Variants in ARHGEF1 observed in about 807,000 individuals in gnomAD.
The protein encoded by ARHGEF1 is Rho guanine nucleotide exchange factor 1.
A neutral mutation model predicts 119.7 loss-of-function variants in ARHGEF1; 40 were observed. The observed-to-expected ratio is 0.33, with a 90% CI of 0.26 to 0.44. ARHGEF1 has a LOEUF of 0.44. ARHGEF1 is among the 20% of genes least tolerant of loss of function. ARHGEF1 has a pLI of 1.00. For missense variants in ARHGEF1, 976 were observed against 1,268.3 expected (o/e 0.77, Z 3.50); for synonymous variants, 494 against 521.0 (o/e 0.95, Z 0.71).
At chr19:41,926,515 G>A (rs535450773) in intron 1 of ARHGEF1, among the ~76,000 whole-genome samples, 1 of 152,212 alleles carries the variant, frequency 6.6e-6, no homozygotes, top group East Asian at 1.9e-4. Flanking sequence ...CTGCCACCTC[G>A]ATTTCTCTCG....
intron 18 of ARHGEF1, among the ~76,000 whole-genome samples, chr19:41,914,573 CCG>C (rs1244155792): frequency 2.2e-4 from 6 of 27,666 alleles, no homozygotes; most frequent in Middle Eastern, 0.029. Flanking sequence ...ATCTCTGTCT[CCG>C]TCTCTCCCTC....
intron 1 of ARHGEF1, among the ~76,000 whole-genome samples, chr19:41,927,769 G>T (rs986907532): frequency 1.3e-5 from 2 of 152,044 alleles, no homozygotes; most frequent in Non-Finnish European, 2.9e-5. Context: ...CATCTCCGTG[G>T]CTCTCACTCG....
Position 41,905,127 on chromosome 19 carries a change from T to C in ARHGEF1, c.2250-48T>C. 6.2e-7 allele frequency: 1 copy of C among 1,611,088 alleles called. No homozygotes were observed. The highest frequency in any genetic ancestry group is 8.5e-7 in the Non-Finnish European group (1 of 1,177,312). On this transcript the variant is annotated intron_variant, in intron 23 of 28. Coordinates refer to ENST00000354532, the MANE Select transcript of ARHGEF1 (RefSeq NM_004706.4). The surrounding 1 kb of genome is among the most constrained non-coding windows in gnomAD (Gnocchi z 6.4). ...GGAGGGCTGTGGGGAGGCCCTGGCATAGGGTCTGGGGGCTCTGACTGCCCA... is the reference window on the plus strand; with the variant it reads ...GGAGGGCTGTGGGGAGGCCCTGGCACAGGGTCTGGGGGCTCTGACTGCCCA...
At chr19:41,909,166 G>A (rs760260644), downstream of ARHGEF1, 58 of 1,231,806 alleles carry the variant, frequency 4.7e-5, no homozygotes, top group Non-Finnish European at 5.6e-5. This position sits in a 1 kb window ranked among gnomAD's most constrained non-coding sequence, Gnocchi z 5.2. Context: ...CAGAGAACAG[G>A]GTTTGCAGGG....
intron 18 of ARHGEF1, among the ~76,000 whole-genome samples, chr19:41,914,546 T>TCCCTCCCCTTCCACCATCTCTGTCTC (rs2074775480): frequency 1.7e-5 from 2 of 118,384 alleles, no homozygotes; most frequent in Non-Finnish European, 3.5e-5. Context: ...CTATCCGTCT[T>TCCCTCCCCTTCCACCATCTCTGTCTC]TCCCTCCCCT....
Position 41,892,089 on chromosome 19 carries a change from T to A in ARHGEF1, c.290T>A (p.Leu97Gln). Reference sequence around the variant, plus strand: ...CCCAAGGAGGCCAAGAAGGCCTTCCTGGACTTCTACCACAGCTTCCTGGAG... The same window carrying A: ...CCCAAGGAGGCCAAGAAGGCCTTCCAGGACTTCTACCACAGCTTCCTGGAG... ...LGPKEAKKAFLDFYHSFLEKT... is the reference protein window; with the variant it reads ...LGPKEAKKAFQDFYHSFLEKT... The change falls in exon 5 of 29, where the codon CTG (leucine) becomes CAG (glutamine). Residue 97 changes from leucine (L) to glutamine (Q), a missense_variant. Physicochemically the swap from Leu to Gln is moderately radical, Grantham distance 113. Around this residue, in one of 3 missense-constraint regions of ARHGEF1, gnomAD observed 519 missense variants for 580.9 expected, o/e 0.89. Coordinates refer to ENST00000354532, the MANE Select transcript of ARHGEF1 (RefSeq NM_004706.4). This position sits in a 1 kb window ranked among gnomAD's most constrained non-coding sequence, Gnocchi z 6.3. 6.2e-7 allele frequency: 1 copy of A among 1,613,390 alleles called. No individual in the cohort carries two copies. The highest frequency in any genetic ancestry group is 2.2e-5 in the East Asian group (1 of 44,866).
chr19:41,895,275 T>A, intron 11 of ARHGEF1, 74 bp from the exon 12 acceptor site: 1 of 1,530,954 alleles, frequency 6.5e-7, no homozygotes. Context: ...GCACAGCCTC[T>A]TGCATCCCCT....
At chr19:41,923,013 A>G (rs1322832670), upstream of ARHGEF1, 1 of 393,574 alleles carries the variant, frequency 2.5e-6, no homozygotes, top group African/African-American at 2.1e-5. Context: ...CAGCCTAGGG[A>G]AGAGGCGGGA....
At position 41,888,910 on chromosome 19, in the gene ARHGEF1, C is replaced by G; in HGVS notation, c.225+45C>G. On this transcript the variant is annotated intron_variant, in intron 4 of 28. Transcript: ENST00000354532. The surrounding 1 kb of genome is among the most constrained non-coding windows in gnomAD (Gnocchi z 5.1). ...GGCACAGGGAGGGGTGGGGCTGGGA[C>G]AGGCACAGCTTTTAGCGAATTAAAC... The G allele has an allele frequency of 2.0e-6, 3 of 1,531,800 alleles. No individual in the cohort carries two copies. The highest frequency in any genetic ancestry group is 2.7e-6 in the Non-Finnish European group (3 of 1,116,546). 94.9% of individuals were successfully genotyped at this position (1,531,800 alleles called of 1,614,324 possible).
rs377049534 is a variant in ARHGEF1, at chr19:41,905,717, C to G, written c.2337-43C>G. The G allele has an allele frequency of 2.5e-6, 4 of 1,607,042 alleles. No homozygotes were observed. In the African/African-American group the frequency reaches 5.3e-5, roughly 21 times the overall value. Reference sequence around the variant, plus strand: ...CTGTCTCCCTGCCCCTGCGGCCCCCCAGGGCCAGGGGTGTGGGGTCACCCA... The same window carrying G: ...CTGTCTCCCTGCCCCTGCGGCCCCCGAGGGCCAGGGGTGTGGGGTCACCCA... On this transcript the variant is annotated intron_variant, in intron 24 of 28. Coordinates refer to ENST00000354532, the MANE Select transcript of ARHGEF1 (RefSeq NM_004706.4). The surrounding 1 kb of genome is among the most constrained non-coding windows in gnomAD (Gnocchi z 6.4).
At position 41,893,307 on chromosome 19, in the gene ARHGEF1, AG is replaced by A; in HGVS notation, c.644+10del. 2 of 1,589,890 alleles carry A rather than the reference AG, an allele frequency of 1.3e-6. No individual in the cohort carries two copies. The highest frequency in any genetic ancestry group is 1.7e-6 in the Non-Finnish European group (2 of 1,168,944). The stretch of plus-strand genomic sequence containing the variant: ...TCTCTACCGACGAAGAAAAGAGGTG[AG>A]GGGGGCAGGGGAGGCGTGCGGCCTC... On this transcript the variant is annotated splice_donor_5th_base_variant and intron_variant, in intron 8 of 28. Coordinates refer to ENST00000354532, the MANE Select transcript of ARHGEF1 (RefSeq NM_004706.4).
Position 41,905,824 on chromosome 19 carries a change from G to T in ARHGEF1, c.2401G>T (p.Asp801Tyr), listed in dbSNP as rs1278450308. 2 of 1,614,062 alleles carry T rather than the reference G, an allele frequency of 1.2e-6. No homozygotes were observed. Among genetic ancestry groups the T allele is most frequent in the Non-Finnish European group, 8.5e-7 (1 of 1,180,022 alleles). ...TGGTGGCCGAGAGACGTCTCCAGCTGATGGTGAGACCAGAGGGATGCTGGG... is the reference window on the plus strand; with the variant it reads ...TGGTGGCCGAGAGACGTCTCCAGCTTATGGTGAGACCAGAGGGATGCTGGG... ...GNGGRETSPA[D>Y]ARTERILSDL... Residue 801 changes from aspartate (D) to tyrosine (Y), a missense_variant, in exon 25 of 29, where the codon GAT becomes TAT. Asp to Tyr is a radical substitution (Grantham distance 160, BLOSUM62 -3). This residue lies in a region of ARHGEF1 where 171 missense variants were observed against 180.6 expected (regional missense o/e 0.95). Coordinates refer to ENST00000354532, the MANE Select transcript of ARHGEF1 (RefSeq NM_004706.4). The surrounding 1 kb of genome is among the most constrained non-coding windows in gnomAD (Gnocchi z 6.4).
intron 14 of ARHGEF1, among the ~76,000 whole-genome samples, chr19:41,898,938 G>T (rs2074555924): frequency 6.6e-6 from 1 of 152,210 alleles, no homozygotes; most frequent in Admixed American, 6.5e-5. Flanking sequence ...GATGATTTGT[G>T]TGAAATGTTT....
At chr19:41,926,927 A>C (rs782783874) in intron 1 of ARHGEF1, among the ~76,000 whole-genome samples, 2 of 152,146 alleles carry the variant, frequency 1.3e-5, no homozygotes, top group Admixed American at 6.5e-5. Flanking sequence ...ACAGAGAGAC[A>C]GTAAGAGACA....
intron 18 of ARHGEF1, among the ~76,000 whole-genome samples, chr19:41,913,212 C>CCTCCCCG (rs1414235705): frequency 1.3e-5 from 2 of 151,872 alleles, no homozygotes; most frequent in Non-Finnish European, 2.9e-5. Flanking sequence ...TCCCAGCCTC[C>CCTCCCCG]CTCCCCGCTC....
chr19:41,909,316 C>G (rs905767030), downstream of ARHGEF1: 12 of 1,234,980 alleles, frequency 9.7e-6, no homozygotes, highest in African/African-American at 4.7e-5. The surrounding 1 kb of genome is among the most constrained non-coding windows in gnomAD (Gnocchi z 5.2). Flanking sequence ...TGGGGCCCCC[C>G]CAAAGGGACT....
chr19:41,892,327 G>A lies in ARHGEF1; in HGVS notation c.325-4G>A. ...CTCTTCACCCCATTCTCTCTCTTGA[G>A]CAGGTTCTCCGGGTGCCGGTCCCTC... On this transcript the variant is annotated splice_polypyrimidine_tract_variant and splice_region_variant and intron_variant, in intron 5 of 28. Coordinates refer to ENST00000354532, the MANE Select transcript of ARHGEF1 (RefSeq NM_004706.4). The surrounding 1 kb of genome is among the most constrained non-coding windows in gnomAD (Gnocchi z 6.3). 1 of 1,613,868 alleles carries A rather than the reference G, an allele frequency of 6.2e-7. No homozygotes were observed. Among genetic ancestry groups the A allele is most frequent in the South Asian group, 1.1e-5 (1 of 91,086 alleles).
chr19:41,915,279 G>A (rs905556983), intron 18 of ARHGEF1, among the ~76,000 whole-genome samples: 6 of 150,746 alleles, frequency 4.0e-5, no homozygotes, highest in South Asian at 2.1e-4. Flanking sequence ...CGCTCCCCCC[G>A]CCGTGTCTCA....
downstream of ARHGEF1, chr19:41,909,872 C>T: frequency 3.1e-6 from 5 of 1,610,682 alleles, no homozygotes; most frequent in Non-Finnish European, 4.2e-6. The surrounding 1 kb of genome is among the most constrained non-coding windows in gnomAD (Gnocchi z 5.2). Flanking sequence ...CCGCAGGGCC[C>T]GGCTCAGCTT....
Sources: allele counts gnomAD v4.1 joint callset (sites outside exome capture counted in the v4.1 genomes callset), GRCh38; gene constraint gnomAD v4.1.1; regional missense constraint gnomAD v4.1.1; non-coding constraint Gnocchi (gnomAD v3.1); transcripts MANE v1.5; gene names NCBI Gene and HGNC (gene_info 2026-07-23, HGNC 2026-07-21).